TRAF3IP2: variants seen among roughly 807,000 people sequenced by gnomAD.
The protein encoded by TRAF3IP2 is E3 ubiquitin ligase TRAF3IP2.
Under a neutral mutation model 57.9 loss-of-function variants are expected in TRAF3IP2, and 35 were observed. The observed-to-expected ratio is 0.60, with a 90% CI of 0.46 to 0.80. The LOEUF is 0.80. TRAF3IP2 is among the 30% of genes least tolerant of loss of function. The pLI, the probability that TRAF3IP2 is intolerant of heterozygous loss-of-function variation, is 0.00. For synonymous variants in TRAF3IP2, 251 were observed against 268.9 expected (o/e 0.93, Z 0.65); for missense variants, 556 against 706.4 (o/e 0.79, Z 2.41).
intron 1 of TRAF3IP2, among the ~76,000 whole-genome samples, chr6:111,598,489 C>G (rs1796765483): frequency 6.6e-6 from 1 of 152,108 alleles, no homozygotes; most frequent in Admixed American, 6.5e-5. Context: ...AATGAGCACT[C>G]CACATCCTTT....
At chr6:111,599,454 C>A (rs191968815) in intron 1 of TRAF3IP2, among the ~76,000 whole-genome samples, 28 of 152,256 alleles carry the variant, frequency 1.8e-4, no homozygotes, top group Admixed American at 1.8e-3. Context: ...GTCCATGTGA[C>A]AATGCTCCCT....
intron 6 of TRAF3IP2, chr6:111,567,003 A>T (rs553422320): frequency 4.7e-6 from 1 of 214,952 alleles, no homozygotes; most frequent in African/African-American, 2.4e-5. Flanking sequence ...CAGACCCTTC[A>T]GCACAAAGCA....
intron 2 of TRAF3IP2, 143 bp from the exon 3 acceptor site, chr6:111,580,532 G>GT (rs1197985911): frequency 2.8e-5 from 17 of 604,112 alleles, no homozygotes; most frequent in Non-Finnish European, 4.0e-5. Context: ...GATGTTTGCC[G>GT]TATTTCTCTA....
In TRAF3IP2 at chr6:111,591,352, TG is replaced by T; in HGVS notation, c.734del (p.Pro245GlnfsTer45). 6.5e-7 allele frequency: 1 copy of T among 1,535,608 alleles called. No homozygotes were observed. Among genetic ancestry groups the T allele is most frequent in the South Asian group, 1.3e-5 (1 of 77,894 alleles). The stretch of plus-strand genomic sequence containing the variant: ...TGGGAGGCAGCATCTGTGCACATGC[TG>T]GATACCTCTGAGGTTCAAACTGAGG... ...EFPQFEPQRYPACAQMLPPNL... is the reference protein window; with the variant it reads ...EFPQFEPQRYXACAQMLPPNL... On this transcript the variant is annotated frameshift_variant, in exon 2 of 9. Coordinates refer to ENST00000368761, the MANE Select transcript of TRAF3IP2 (RefSeq NM_147686.4). LOFTEE classifies it high-confidence loss of function. This position sits in a 1 kb window ranked among gnomAD's most constrained non-coding sequence, Gnocchi z 4.9.
chr6:111,572,861 A>C, intron 5 of TRAF3IP2, 34 bp downstream of exon 5: 2 of 1,517,378 alleles, frequency 1.3e-6, no homozygotes, highest in East Asian at 4.5e-5. Flanking sequence ...ACTCACTATA[A>C]CTGTTCAGTT....
At position 111,562,996 on chromosome 6, in the gene TRAF3IP2, A is replaced by T. The variant is rs1795503678; in HGVS notation, c.1520T>A (p.Phe507Tyr). Reference protein sequence around the residue: ...FIKQGSMNFRFIPVLFPNAKK... With the variant: ...FIKQGSMNFRYIPVLFPNAKK... The stretch of plus-strand genomic sequence containing the variant: ...AGCATTTGGGAAGAGCACAGGGATG[A>T]ATCTGAAATTCATGCTTCCTTGTTT... Residue 507 changes from phenylalanine (F) to tyrosine (Y), a missense_variant, in exon 8 of 9, where the codon TTC becomes TAC. Around this residue, in one of 2 missense-constraint regions of TRAF3IP2, gnomAD observed 128 missense variants for 207.7 expected, o/e 0.62. Coordinates refer to ENST00000368761, the MANE Select transcript of TRAF3IP2 (RefSeq NM_147686.4). 2 of 1,613,126 alleles carry T rather than the reference A, an allele frequency of 1.2e-6. No homozygotes were observed. Among genetic ancestry groups the T allele is most frequent in the East Asian group, 4.5e-5 (2 of 44,884 alleles).
At position 111,566,851 on chromosome 6, in the gene TRAF3IP2, G is replaced by A. The variant is rs1234665484; in HGVS notation, c.1360-291C>T. ...CTCTAATGAAAGCCCGAATCACTGA[G>A]TGAGTCTGTGTCGTGGCAAAAAGGC... On this transcript the variant is annotated intron_variant, in intron 6 of 8. Coordinates refer to ENST00000368761, the MANE Select transcript of TRAF3IP2 (RefSeq NM_147686.4). 11 of 417,484 alleles carry A rather than the reference G, an allele frequency of 2.6e-5. No individual in the cohort carries two copies. In the East Asian group the frequency reaches 3.7e-4, roughly 14 times the overall value. The allele number at this position is 417,484 out of a possible 1,614,324, so 25.9% of individuals were successfully genotyped here.
chr6:111,573,836 C>G (rs1188740596), intron 4 of TRAF3IP2: 1 of 152,178 alleles, frequency 6.6e-6, no homozygotes, highest in Non-Finnish European at 1.5e-5. Flanking sequence ...TCTCAGGAAG[C>G]CCTTGGGGCA....
chr6:111,594,517 A>C (rs1399490057), intron 1 of TRAF3IP2: 1 of 453,936 alleles, frequency 2.2e-6, no homozygotes, highest in Non-Finnish European at 4.4e-6. Context: ...CTAGCTGAGG[A>C]GCCATCTGGG....
In TRAF3IP2 at chr6:111,591,791, T is replaced by A; in HGVS notation, c.296A>T (p.His99Leu). 1 of 1,614,188 alleles carries A rather than the reference T, an allele frequency of 6.2e-7. No homozygotes were observed. Among genetic ancestry groups the A allele is most frequent in the Non-Finnish European group, 8.5e-7 (1 of 1,180,022 alleles). ...EDSEDSFCRRHPGLGKAFPSG... is the reference protein window; with the variant it reads ...EDSEDSFCRRLPGLGKAFPSG... ...AGGGAAAGCTTTGCCCAGGCCTGGGTGTCTCCTGCAGAAACTGTCTTCACT... is the reference window on the plus strand; with the variant it reads ...AGGGAAAGCTTTGCCCAGGCCTGGGAGTCTCCTGCAGAAACTGTCTTCACT... Residue 99 changes from histidine (H) to leucine (L), a missense_variant, in exon 2 of 9, where the codon CAC becomes CTC. Physicochemically the swap from His to Leu is moderately conservative, Grantham distance 99. Transcript: ENST00000368761. This position sits in a 1 kb window ranked among gnomAD's most constrained non-coding sequence, Gnocchi z 4.9.
At chr6:111,589,746 ATCT>A (rs756760590) in intron 2 of TRAF3IP2, among the ~76,000 whole-genome samples, 37 of 152,182 alleles carry the variant, frequency 2.4e-4, no homozygotes, top group Non-Finnish European at 4.9e-4. Context: ...TCTTCCAAGC[ATCT>A]TCTAAGTTAC....
At chr6:111,590,771 T>G (rs958118832) in intron 2 of TRAF3IP2, among the ~76,000 whole-genome samples, 4 of 152,176 alleles carry the variant, frequency 2.6e-5, no homozygotes, top group Admixed American at 6.5e-5. Context: ...CATTTTCATG[T>G]AATGGCCCGA....
intron 1 of TRAF3IP2, among the ~76,000 whole-genome samples, chr6:111,597,176 T>C (rs1420951942): frequency 6.6e-6 from 1 of 151,980 alleles, no homozygotes. Context: ...TTTTTTCCTC[T>C]CCAGAACATT....
In TRAF3IP2 at chr6:111,575,755, T is replaced by C. The variant is rs904037371; in HGVS notation, c.1089A>G (p.Ala363=). 44 of 1,611,978 alleles carry C rather than the reference T, an allele frequency of 2.7e-5. 1 individual carries two copies. In the Admixed American group the frequency reaches 5.4e-4, roughly 20 times the overall value. The part of the protein sequence containing the change: ...GAPGESLECP[A]ELRPQVPQPP... The stretch of plus-strand genomic sequence containing the variant: ...GCTGGGGAACCTGTGGTCTCAGCTC[T>C]GCAGGGCACTCCAAGGACTCCCCAG... Residue 363 remains alanine (A), a synonymous_variant, in exon 4 of 9, where the codon GCA becomes GCG. Transcript: ENST00000368761.
intron 1 of TRAF3IP2, among the ~76,000 whole-genome samples, chr6:111,605,329 C>G (rs564794805): frequency 4.7e-4 from 71 of 152,324 alleles, no homozygotes; most frequent in Admixed American, 1.6e-3. Context: ...TTTTTCCCCC[C>G]TGCACGAAAC....
At chr6:111,589,184 C>T (rs530029025) in intron 2 of TRAF3IP2, among the ~76,000 whole-genome samples, 111 of 151,034 alleles carry the variant, frequency 7.3e-4, no homozygotes, top group African/African-American at 2.6e-3. Context: ...CCTCAGTCTC[C>T]CGAGTAGCTG....
intron 1 of TRAF3IP2, among the ~76,000 whole-genome samples, chr6:111,593,902 G>A (rs555165533): frequency 1.5e-3 from 235 of 152,236 alleles, no homozygotes; most frequent in Admixed American, 5.0e-3. Context: ...AGGCTGAGGC[G>A]GGTGGATCAC....
chr6:111,592,176 A>C, intron 1 of TRAF3IP2, 82 bp from the exon 2 acceptor site: 9 of 1,182,914 alleles, frequency 7.6e-6, no homozygotes, highest in Non-Finnish European at 1.1e-5. Context: ...AAGGGACCTC[A>C]TTCAAGATGT....
intron 2 of TRAF3IP2, among the ~76,000 whole-genome samples, chr6:111,587,689 C>A (rs174378): frequency 0.35 from 53,040 of 151,784 alleles, 9,905 homozygotes; most frequent in African/African-American, 0.45. Flanking sequence ...ATATATAAAC[C>A]TATATAGTTT....
Sources: gnomAD v4.1 joint callset for allele counts (sites outside exome capture counted in the v4.1 genomes callset) on GRCh38, gnomAD v4.1.1 for gene constraint, gnomAD v4.1.1 regional missense constraint, Gnocchi (gnomAD v3.1) non-coding constraint, MANE v1.5 for transcripts, NCBI Gene and HGNC (gene_info 2026-07-23, HGNC 2026-07-21) for gene names.